The following ALOX12B variants were observed in gnomAD, a reference collection of about 807,000 sequenced individuals.
The protein encoded by ALOX12B is arachidonate 12-lipoxygenase, 12R-type.
Under a neutral mutation model 78.9 loss-of-function variants are expected in ALOX12B, and 47 were observed. The ratio of observed to expected loss-of-function variants is 0.60; its 90% CI spans 0.47 to 0.76. The LOEUF is 0.76. ALOX12B is among the 30% of genes least tolerant of loss of function. ALOX12B has a pLI of 0.00. For synonymous variants in ALOX12B, 370 were observed against 374.5 expected, an observed-to-expected ratio of 0.99 and a Z score of 0.14; for missense variants, 805 against 922.6, an observed-to-expected ratio of 0.87 and a Z score of 1.65.
chr17:8,076,724 C>T lies in ALOX12B; in HGVS notation c.1295G>A (p.Arg432Gln), dbSNP rs961629782. 7 of 1,550,516 alleles carry T rather than the reference C, an allele frequency of 4.5e-6. No homozygotes were observed. In the African/African-American group the frequency reaches 5.5e-5, roughly 12 times the overall value. Residue 432 changes from arginine to glutamine, a missense_variant, in exon 10 of 15, where the codon CGA becomes CAA. Arg to Gln is a conservative substitution (Grantham distance 43). Transcript: ENST00000647874. Reference sequence around the variant, plus strand: ...AATGCTGTTGATCTGGACGGTGTATCGGGTATGGGGGATGAGGAGCTGTGG... The same window carrying T: ...AATGCTGTTGATCTGGACGGTGTATTGGGTATGGGGGATGAGGAGCTGTGG... ...PLYKLLIPHT[R>Q]YTVQINSIGR...
intron 2 of ALOX12B, among the ~76,000 whole-genome samples, chr17:8,083,202 C>A (rs1978289367): frequency 6.6e-6 from 1 of 151,976 alleles, no homozygotes; most frequent in African/African-American, 2.4e-5. Flanking sequence ...TATATGTATA[C>A]ATATACATAT....
chr17:8,079,515 A>T lies in ALOX12B; in HGVS notation c.952T>A (p.Tyr318Asn). The T allele has an allele frequency of 6.4e-7, 1 of 1,550,874 alleles. No homozygotes were observed. ...GTGGGGATGCCCTCCATGATGCGGT[A>T]GTCGGCCAGGTAAATGTTCCCCTTC... ...LEKGNIYLADYRIMEGIPTVE... is the reference protein window; with the variant it reads ...LEKGNIYLADNRIMEGIPTVE... The change falls in exon 8 of 15, where the codon TAC (tyrosine) becomes AAC (asparagine). Residue 318 changes from tyrosine (Y) to asparagine (N), a missense_variant. Coordinates refer to ENST00000647874, the MANE Select transcript of ALOX12B (RefSeq NM_001139.3). This position sits in a 1 kb window ranked among gnomAD's most constrained non-coding sequence, Gnocchi z 6.4.
Position 8,079,315 on chromosome 17 carries a change from G to T in ALOX12B, c.1071+81C>A. The T allele has an allele frequency of 6.5e-7, 1 of 1,530,590 alleles. No homozygotes were observed. Among genetic ancestry groups the T allele is most frequent in the South Asian group, 1.2e-5 (1 of 82,726 alleles). 94.8% of individuals were successfully genotyped at this position (1,530,590 alleles called of 1,614,324 possible). A position where few individuals can be genotyped will look rare whatever the true frequency, so the allele number is the denominator to read the frequency against. ...CGGCTGAATACATGCAGGTCCACAC[G>T]CTCACATAAGCGCGCGCACACTCGG... On this transcript the variant is annotated intron_variant, in intron 8 of 14. Transcript: ENST00000647874. This position sits in a 1 kb window ranked among gnomAD's most constrained non-coding sequence, Gnocchi z 6.4.
At chr17:8,085,620 T>A (rs1055260428) in intron 2 of ALOX12B, among the ~76,000 whole-genome samples, 2 of 152,202 alleles carry the variant, frequency 1.3e-5, no homozygotes, top group Middle Eastern at 3.2e-3. Context: ...GCGCATATGA[T>A]TGGCATCATA....
At chr17:8,083,229 CACATGTGTACAGAT>C (rs1978289406) in intron 2 of ALOX12B, among the ~76,000 whole-genome samples, 1 of 151,930 alleles carries the variant, frequency 6.6e-6, no homozygotes, top group Admixed American at 6.6e-5. Flanking sequence ...TAAACATACA[CACATGTGTACAGAT>C]ACATGTGTAT....
chr17:8,075,827 C>T (rs1977068409), intron 11 of ALOX12B, 111 bp from the exon 12 acceptor site: 3 of 1,575,610 alleles, frequency 1.9e-6, no homozygotes, highest in Admixed American at 3.3e-5. Flanking sequence ...CAGAGCTGCC[C>T]CAGGCCTGTG....
intron 2 of ALOX12B, among the ~76,000 whole-genome samples, chr17:8,082,730 T>C (rs926511769): frequency 1.3e-5 from 2 of 152,136 alleles, no homozygotes; most frequent in Non-Finnish European, 2.9e-5. Flanking sequence ...GCAGCCTCCA[T>C]TTTGCAACTG....
At position 8,081,510 on chromosome 17, in the gene ALOX12B, C is replaced by T. The variant is rs1006175415; in HGVS notation, c.353-323G>A. 1.3e-4 allele frequency: 56 copies of T among 430,186 alleles called. 1 individual carries two copies. Among genetic ancestry groups the T allele is most frequent in the South Asian group, 1.2e-3 (55 of 44,880 alleles). The allele number at this position is 430,186 out of a possible 1,614,324, so 26.6% of individuals were successfully genotyped here. On this transcript the variant is annotated intron_variant, in intron 2 of 14. Transcript: ENST00000647874. Reference sequence around the variant, plus strand: ...AGCAATGTTGTTACATGCATAGTGGCCAAGTTAGGGCTTTAGGTTACCCAT... The same window carrying T: ...AGCAATGTTGTTACATGCATAGTGGTCAAGTTAGGGCTTTAGGTTACCCAT...
rs3217514 is a variant in ALOX12B, at chr17:8,087,259, GACACACACACAC to G, written c.147+25_147+36del. On this transcript the variant is annotated intron_variant, in intron 1 of 14. Coordinates refer to ENST00000647874, the MANE Select transcript of ALOX12B (RefSeq NM_001139.3). The stretch of plus-strand genomic sequence containing the variant: ...ACAGACACACACACACACACACACA[GACACACACACAC>G]ACACACACACACACACACTCTTACC... The G allele has an allele frequency of 3.6e-5, 39 of 1,071,280 alleles. No individual in the cohort carries two copies. The East Asian group carries it at 8.8e-4, about 24-fold the overall frequency. 66.4% of individuals were successfully genotyped at this position (1,071,280 alleles called of 1,614,324 possible).
rs774876393 is a variant in ALOX12B, at chr17:8,072,830, G to C, written c.2047C>G (p.Leu683Val). 6.2e-7 allele frequency: 1 copy of C among 1,614,258 alleles called. No individual in the cohort carries two copies. The highest frequency in any genetic ancestry group is 8.5e-7 in the Non-Finnish European group (1 of 1,180,050). Residue 683 changes from leucine to valine, a missense_variant, in exon 15 of 15, where the codon CTT becomes GTT. Physicochemically the swap from Leu to Val is conservative, Grantham distance 32. Coordinates refer to ENST00000647874, the MANE Select transcript of ALOX12B (RefSeq NM_001139.3). ...SHDIRQRNKC[L>V]PIPYYYLDPV... ...TCCAGGTAGTAGTAGGGGATGGGAA[G>C]GCACTTGTTGCGCTGGCGGATGTCG...
At chr17:8,074,740 C>G (rs1977046672) in intron 12 of ALOX12B, among the ~76,000 whole-genome samples, 1 of 152,212 alleles carries the variant, frequency 6.6e-6, no homozygotes, top group African/African-American at 2.4e-5. Context: ...AGCCTCAGCC[C>G]ATTGGGAACC....
At chr17:8,084,400 T>C (rs3027292) in intron 2 of ALOX12B, among the ~76,000 whole-genome samples, 109,985 of 152,124 alleles carry the variant, frequency 0.72, 40,276 homozygotes, top group African/African-American at 0.85. Context: ...CCCAGAGACC[T>C]AGCTCGTTTT....
chr17:8,079,463 T>G lies in ALOX12B; in HGVS notation c.1004A>C (p.His335Pro), dbSNP rs886053565. The change falls in exon 8 of 15, where the codon CAC becomes CCC. Residue 335 changes from histidine to proline, a missense_variant. By Grantham distance (77) the His-to-Pro change is moderately conservative (BLOSUM62 -2). Transcript: ENST00000647874. This position sits in a 1 kb window ranked among gnomAD's most constrained non-coding sequence, Gnocchi z 6.4. ...CAGCAGGCAGAGGGGGGCGCAGTGG[T>G]GCTGCTTCCGGCCGCTGAGCTCCAC... ...PTVELSGRKQ[H>P]HCAPLCLLHF... 1 of 1,551,048 alleles carries G rather than the reference T, an allele frequency of 6.4e-7. No homozygotes were observed. The highest frequency in any genetic ancestry group is 2.4e-5 in the East Asian group (1 of 40,926).
At position 8,073,199 on chromosome 17, in the gene ALOX12B, C is replaced by T. The variant is rs745924877; in HGVS notation, c.1875G>A (p.Thr625=). ...TCCAGAGCACCAGCAGCGTGATGCA[C>T]GTGGTCTTCACATCCGGCAACGTGT... The part of the protein sequence containing the change: ...FMDTLPDVKT[T]CITLLVLWTL... The change falls in exon 14 of 15, where the codon ACG becomes ACA. Residue 625 remains threonine, a synonymous_variant. Coordinates refer to ENST00000647874, the MANE Select transcript of ALOX12B (RefSeq NM_001139.3). 2.5e-6 allele frequency: 4 copies of T among 1,614,054 alleles called. No homozygotes were observed. Among genetic ancestry groups the T allele is most frequent in the African/African-American group, 2.7e-5 (2 of 74,906 alleles).
Position 8,079,358 on chromosome 17 carries a change from C to T in ALOX12B, c.1071+38G>A. On this transcript the variant is annotated intron_variant, in intron 8 of 14. Transcript: ENST00000647874. The surrounding 1 kb of genome is among the most constrained non-coding windows in gnomAD (Gnocchi z 6.4). ...ACACTCGGAGGAGCATTCGCGCACA[C>T]AGAGGCTCAGCGGCAGCGCCGCCTG... is the stretch of plus-strand genomic sequence containing the variant. The T allele has an allele frequency of 6.5e-7, 1 of 1,549,808 alleles. No individual in the cohort carries two copies. Among genetic ancestry groups the T allele is most frequent in the East Asian group, 2.4e-5 (1 of 41,160 alleles).
Position 8,076,671 on chromosome 17 carries a change from C to T in ALOX12B, c.1348G>A (p.Gly450Arg). The change falls in exon 10 of 15, where the codon GGG becomes AGG. Residue 450 changes from glycine to arginine, a missense_variant. Coordinates refer to ENST00000647874, the MANE Select transcript of ALOX12B (RefSeq NM_001139.3). ...IGRAVLLNEGGLSAKGMSLGV... is the reference protein window; with the variant it reads ...IGRAVLLNEGRLSAKGMSLGV... ...AGAAGTCTTACCTTGGCAGAGAGCC[C>T]CCCCTCATTGAGGAGAACGGCCCGG... The T allele has an allele frequency of 6.4e-7, 1 of 1,551,414 alleles. No homozygotes were observed. Among genetic ancestry groups the T allele is most frequent in the Non-Finnish European group, 8.7e-7 (1 of 1,147,008 alleles).
At chr17:8,081,517 AG>A (rs113765456) in intron 2 of ALOX12B, 32 of 420,238 alleles carry the variant, frequency 7.6e-5, no homozygotes, top group African/African-American at 5.1e-4. Flanking sequence ...TGGCCAAGTT[AG>A]GGCTTTAGGT....
In ALOX12B at chr17:8,075,709, T is replaced by C; in HGVS notation, c.1540A>G (p.Thr514Ala). The change falls in exon 12 of 15, where the codon ACG becomes GCG. Residue 514 changes from threonine to alanine, a missense_variant. Physicochemically the swap from Thr to Ala is moderately conservative, Grantham distance 58. Coordinates refer to ENST00000647874, the MANE Select transcript of ALOX12B (RefSeq NM_001139.3). ...GGGTAATAATAGGTGATGATCTCCG[T>C]CACATACCTGACCAGGGGACAGGGC... ...AVWNALEKYVTEIITYYYPSD... is the reference protein window; with the variant it reads ...AVWNALEKYVAEIITYYYPSD... The C allele has an allele frequency of 6.2e-7, 1 of 1,614,154 alleles. No homozygotes were observed. The highest frequency in any genetic ancestry group is 8.5e-7 in the Non-Finnish European group (1 of 1,180,036).
chr17:8,080,688 G>A lies in ALOX12B; in HGVS notation c.620C>T (p.Thr207Met). The A allele has an allele frequency of 1.2e-6, 2 of 1,614,176 alleles. No individual in the cohort carries two copies. The highest frequency in any genetic ancestry group is 1.7e-5 in the Admixed American group (1 of 60,022). Residue 207 changes from threonine (T) to methionine (M), a missense_variant, in exon 5 of 15, where the codon ACG becomes ATG. By Grantham distance (81) the Thr-to-Met change is moderately conservative. Transcript: ENST00000647874. The surrounding 1 kb of genome is among the most constrained non-coding windows in gnomAD (Gnocchi z 4.8). ...CCCCAGGCGGACGAAGAAGGAGGCC[G>A]TCTTGAGGAAGGAGTAGCGGAGATT... ...NLNLRYSFLK[T>M]ASFFVRLGPM...
Sources: allele counts gnomAD v4.1 joint callset (sites outside exome capture counted in the v4.1 genomes callset), GRCh38; gene constraint gnomAD v4.1.1; non-coding constraint Gnocchi (gnomAD v3.1); transcripts MANE v1.5; gene names NCBI Gene and HGNC (gene_info 2026-07-23, HGNC 2026-07-21).